AUH: variants seen among roughly 807,000 people sequenced by gnomAD.
AUH encodes the protein methylglutaconyl-CoA hydratase, mitochondrial.
AUH carries 29 observed loss-of-function variants against 42.3 expected under a neutral mutation model. The ratio of observed to expected loss-of-function variants is 0.69; its 90% CI spans 0.51 to 0.93. The LOEUF (loss-of-function observed/expected upper bound fraction) is 0.93, where lower values mean the gene tolerates loss of function less well. AUH is among the 40% of genes least tolerant of loss of function. The probability of loss-of-function intolerance (pLI) is 0.00; values close to 1 mark genes in which losing one functional copy is unlikely to be tolerated. For synonymous variants in AUH, 174 were observed against 166.4 expected (o/e 1.05, Z -0.35); for missense variants, 452 against 438.1 (o/e 1.03, Z -0.28).
rs111463352 is a variant in AUH at position 91,348,627 on chromosome 9, T to C, written c.418+7256A>G. ...AATATGGATGAAGCTCAAACCATTATGTTAAATGAAAGAGGTCAGACACAA... is the reference window on the plus strand; with the variant it reads ...AATATGGATGAAGCTCAAACCATTACGTTAAATGAAAGAGGTCAGACACAA... On this transcript the variant is annotated intron_variant, in intron 3 of 9. Transcript: ENST00000375731. Among the ~76,000 whole-genome samples, 124 of 152,314 alleles carry C rather than the reference T, an allele frequency of 8.1e-4. 1 individual carries two copies. The highest frequency in any genetic ancestry group is 2.9e-3 in the African/African-American group (120 of 41,576).
chr9:91,298,085 GA>G lies in AUH; in HGVS notation c.506-10del. On this transcript the variant is annotated splice_polypyrimidine_tract_variant and intron_variant, in intron 4 of 9. Transcript: ENST00000375731. ...TGGTACTGGAAGATTAGCTGAAATG[GA>G]AAGAAAATTTTATGCTTCCTTAATA... is the stretch of plus-strand genomic sequence containing the variant. 1 of 1,602,122 alleles carries G rather than the reference GA, an allele frequency of 6.2e-7. No individual in the cohort carries two copies. The highest frequency in any genetic ancestry group is 8.6e-7 in the Non-Finnish European group (1 of 1,169,302).
chr9:91,330,891 G>T (rs1039856085), intron 3 of AUH, among the ~76,000 whole-genome samples: 15 of 152,124 alleles, frequency 9.9e-5, no homozygotes, highest in South Asian at 4.1e-4. Flanking sequence ...ATGTCTTTTG[G>T]GTGGGAGATG....
intron 6 of AUH, among the ~76,000 whole-genome samples, chr9:91,293,354 T>C (rs1041793955): frequency 3.9e-5 from 6 of 152,346 alleles, no homozygotes; most frequent in East Asian, 1.9e-4. Flanking sequence ...TAGTTGCCAA[T>C]GCAAAGCAAC....
At chr9:91,243,337 A>C (rs547804503) in intron 6 of AUH, among the ~76,000 whole-genome samples, 1 of 152,370 alleles carries the variant, frequency 6.6e-6, no homozygotes, top group East Asian at 1.9e-4. Context: ...TAATCAGAAC[A>C]AAAGGAAAAA....
intron 6 of AUH, among the ~76,000 whole-genome samples, chr9:91,235,335 T>C (rs1828116572): frequency 6.6e-6 from 1 of 151,990 alleles, no homozygotes; most frequent in South Asian, 2.1e-4. Context: ...ATAAGTGTTG[T>C]CTGAAATGCT....
chr9:91,310,938 T>A (rs888763217), intron 4 of AUH, among the ~76,000 whole-genome samples: 2 of 152,232 alleles, frequency 1.3e-5, no homozygotes. Context: ...TAATTATTAG[T>A]GACTTGTTTT....
chr9:91,257,172 T>C (rs1829447563), intron 6 of AUH, among the ~76,000 whole-genome samples: 1 of 152,134 alleles, frequency 6.6e-6, no homozygotes, highest in Non-Finnish European at 1.5e-5. Flanking sequence ...TACGTTGATC[T>C]AGCTGGATCT....
chr9:91,230,177 A>G (rs1198729047), intron 6 of AUH, among the ~76,000 whole-genome samples: 11 of 151,580 alleles, frequency 7.3e-5, no homozygotes, highest in Non-Finnish European at 1.2e-4. Flanking sequence ...CATTCTCCCC[A>G]TCACTTTCAG....
intron 4 of AUH, among the ~76,000 whole-genome samples, chr9:91,312,830 G>T (rs1042740906): frequency 2.6e-5 from 4 of 152,112 alleles, no homozygotes; most frequent in Non-Finnish European, 5.9e-5. Flanking sequence ...ATTACTGGAG[G>T]GTCTGTATAG....
chr9:91,280,360 AC>A (rs1299628054), intron 6 of AUH, among the ~76,000 whole-genome samples: 2 of 152,202 alleles, frequency 1.3e-5, no homozygotes, highest in East Asian at 3.8e-4. Context: ...AAATAAGACC[AC>A]CTTGATTACT....
chr9:91,297,450 T>C (rs1827438177), intron 5 of AUH, among the ~76,000 whole-genome samples: 1 of 152,138 alleles, frequency 6.6e-6, no homozygotes, highest in Admixed American at 6.5e-5. Context: ...TAGCAAATGG[T>C]GATTTAGTAC....
chr9:91,341,773 G>A (rs1831122868), intron 3 of AUH, among the ~76,000 whole-genome samples: 1 of 152,136 alleles, frequency 6.6e-6, no homozygotes, highest in Admixed American at 6.5e-5. Context: ...TAATCAATAA[G>A]TAAAAAATAA....
chr9:91,257,186 C>T (rs1172329076), intron 6 of AUH, among the ~76,000 whole-genome samples: 1 of 152,002 alleles, frequency 6.6e-6, no homozygotes, highest in Admixed American at 6.5e-5. Context: ...TGGATCTGAA[C>T]CAGGGTAGCA....
chr9:91,256,120 T>C (rs1245675426), intron 6 of AUH, among the ~76,000 whole-genome samples: 1 of 152,192 alleles, frequency 6.6e-6, no homozygotes, highest in Non-Finnish European at 1.5e-5. Flanking sequence ...GGCTACTCCA[T>C]TAAATCAGTT....
chr9:91,289,217 T>C (rs1273547403), intron 6 of AUH, among the ~76,000 whole-genome samples: 1 of 152,260 alleles, frequency 6.6e-6, no homozygotes, highest in Non-Finnish European at 1.5e-5. Context: ...TGCCAGATTT[T>C]AAACATCTGT....
At chr9:91,272,265 T>G (rs1311775170) in intron 6 of AUH, among the ~76,000 whole-genome samples, 1 of 152,232 alleles carries the variant, frequency 6.6e-6, no homozygotes, top group Non-Finnish European at 1.5e-5. Context: ...TGTATCCAAA[T>G]GTACTTTTAA....
At chr9:91,336,132 T>C (rs1830668681) in intron 3 of AUH, among the ~76,000 whole-genome samples, 1 of 152,218 alleles carries the variant, frequency 6.6e-6, no homozygotes, top group Non-Finnish European at 1.5e-5. Context: ...AAAAAACAAC[T>C]TTATTAGAAA....
intron 6 of AUH, among the ~76,000 whole-genome samples, chr9:91,243,684 G>A (rs1828639220): frequency 6.6e-6 from 1 of 152,226 alleles, no homozygotes; most frequent in Non-Finnish European, 1.5e-5. Context: ...GATGTGTCAT[G>A]TGTCCCACCC....
At chr9:91,249,313 A>G (rs895218211) in intron 6 of AUH, among the ~76,000 whole-genome samples, 1 of 150,618 alleles carries the variant, frequency 6.6e-6, no homozygotes, top group South Asian at 2.1e-4. Flanking sequence ...AAAAAAAAAA[A>G]AAAAAAAAAA....
Sources: allele counts gnomAD v4.1 joint callset (sites outside exome capture counted in the v4.1 genomes callset), GRCh38; gene constraint gnomAD v4.1.1; transcripts MANE v1.5; gene names NCBI Gene and HGNC (gene_info 2026-07-23, HGNC 2026-07-21).